Variants in SLC24A4 observed in about 807,000 individuals in gnomAD.
SLC24A4 encodes the protein sodium/potassium/calcium exchanger 4.
Under a neutral mutation model 79.0 loss-of-function variants are expected in SLC24A4, and 53 were observed. The ratio of observed to expected loss-of-function variants is 0.67; its 90% CI spans 0.54 to 0.84. The LOEUF is 0.84. Ranked by LOEUF, SLC24A4 falls within the 40% of genes least tolerant of loss-of-function variation. SLC24A4 has a pLI of 0.00. For missense variants in SLC24A4, 731 were observed against 822.0 expected, an observed-to-expected ratio of 0.89 and a Z score of 1.35; for synonymous variants, 323 against 323.8, an observed-to-expected ratio of 1.00 and a Z score of 0.03.
intron 2 of SLC24A4, among the ~76,000 whole-genome samples, chr14:92,365,518 G>GA (rs1244280634): frequency 6.6e-6 from 1 of 152,212 alleles, no homozygotes; most frequent in African/African-American, 2.4e-5. Context: ...TTACAAGGAA[G>GA]ACCAGGAGGA....
intron 2 of SLC24A4, among the ~76,000 whole-genome samples, chr14:92,384,477 G>A (rs1889033813): frequency 6.6e-6 from 1 of 151,748 alleles, no homozygotes; most frequent in Non-Finnish European, 1.5e-5. Context: ...CTGGGCCTGT[G>A]CTTGAGATGG....
chr14:92,475,866 C>T (rs4411449), intron 12 of SLC24A4, among the ~76,000 whole-genome samples: 138,404 of 152,214 alleles, frequency 0.91, 63,901 homozygotes, highest in Non-Finnish European at 0.99. Context: ...ATGCTGGTTG[C>T]CCTTCACTAA....
chr14:92,391,617 C>A (rs1566734839), intron 2 of SLC24A4, among the ~76,000 whole-genome samples: 2 of 152,234 alleles, frequency 1.3e-5, no homozygotes, highest in South Asian at 4.1e-4. Context: ...TGCAGTGTGA[C>A]CTTGCCACTC....
At chr14:92,432,686 C>T (rs1031376062) in intron 2 of SLC24A4, among the ~76,000 whole-genome samples, 5 of 152,234 alleles carry the variant, frequency 3.3e-5, no homozygotes, top group South Asian at 4.2e-4. Flanking sequence ...ATCTATTTTT[C>T]GTTAAATGCT....
At chr14:92,453,790 C>T in intron 10 of SLC24A4, 110 bp from the exon 11 acceptor site, 1 of 1,272,648 alleles carries the variant, frequency 7.9e-7, no homozygotes, top group Non-Finnish European at 1.1e-6. Flanking sequence ...CTGCCAGCTG[C>T]CAGGACCACA....
At position 92,486,736 on chromosome 14, in the gene SLC24A4, C is replaced by T; in HGVS notation, c.1493C>T (p.Thr498Ile). The T allele has an allele frequency of 6.2e-7, 1 of 1,614,092 alleles. No individual in the cohort carries two copies. Among genetic ancestry groups the T allele is most frequent in the Non-Finnish European group, 8.5e-7 (1 of 1,180,010 alleles). Reference sequence around the variant, plus strand: ...GGCATTACTTTCCTGGCAGCAGGGACAAGTGTTCCAGACTGCATGGCCAGC... The same window carrying T: ...GGCATTACTTTCCTGGCAGCAGGGATAAGTGTTCCAGACTGCATGGCCAGC... The part of the protein sequence containing the change: ...IMGITFLAAG[T>I]SVPDCMASLI... The change falls in exon 14 of 17, where the codon ACA becomes ATA. Residue 498 changes from threonine to isoleucine, a missense_variant. Coordinates refer to ENST00000532405, the MANE Select transcript of SLC24A4 (RefSeq NM_153646.4).
At chr14:92,324,669 C>T (rs76581013) in intron 1 of SLC24A4, among the ~76,000 whole-genome samples, 10 of 152,282 alleles carry the variant, frequency 6.6e-5, no homozygotes, top group African/African-American at 2.4e-4. Flanking sequence ...CATGTGTAAC[C>T]TTCAGGAGGC....
intron 12 of SLC24A4, among the ~76,000 whole-genome samples, chr14:92,464,460 A>G (rs1174068658): frequency 6.6e-6 from 1 of 152,122 alleles, no homozygotes; most frequent in East Asian, 1.9e-4. Context: ...CCAGCAACGA[A>G]AGCCCACCCA....
At chr14:92,363,778 T>C (rs573489352) in intron 2 of SLC24A4, among the ~76,000 whole-genome samples, 65 of 151,790 alleles carry the variant, frequency 4.3e-4, no homozygotes, top group African/African-American at 1.6e-3. Context: ...TGCAGTGAGC[T>C]GAGATCGCGC....
At chr14:92,408,380 A>G (rs1890523895) in intron 2 of SLC24A4, 1 of 985,342 alleles carries the variant, frequency 1.0e-6, no homozygotes, top group African/African-American at 1.7e-5. Context: ...ATAGCAAGCA[A>G]TAAGTGCCTG....
chr14:92,336,353 C>T (rs1050381007), intron 2 of SLC24A4, among the ~76,000 whole-genome samples: 1 of 152,198 alleles, frequency 6.6e-6, no homozygotes, highest in South Asian at 2.1e-4. Context: ...ATAAAAGTGC[C>T]GGAATAATTT....
intron 2 of SLC24A4, among the ~76,000 whole-genome samples, chr14:92,345,284 T>C (rs1004134490): frequency 1.3e-5 from 2 of 152,234 alleles, no homozygotes; most frequent in African/African-American, 4.8e-5. Context: ...GCTTTGCTGC[T>C]TACTGGCAGC....
intron 5 of SLC24A4, 105 bp downstream of exon 5, chr14:92,442,278 A>C (rs1014407576): frequency 2.4e-6 from 2 of 846,506 alleles, no homozygotes; most frequent in African/African-American, 1.7e-5. Context: ...TCTCATCTGT[A>C]AAATGGGAGA....
intron 14 of SLC24A4, among the ~76,000 whole-genome samples, chr14:92,488,756 G>A (rs1459545126): frequency 6.6e-6 from 1 of 152,242 alleles, no homozygotes; most frequent in Non-Finnish European, 1.5e-5. Flanking sequence ...TGAACTTGGT[G>A]GGATTCAGTC....
intron 2 of SLC24A4, among the ~76,000 whole-genome samples, chr14:92,419,264 A>C (rs898006276): frequency 6.6e-6 from 1 of 152,292 alleles, no homozygotes; most frequent in Middle Eastern, 3.4e-3. Flanking sequence ...GCCAGAGGTG[A>C]AGGGAGGTGT....
intron 2 of SLC24A4, among the ~76,000 whole-genome samples, chr14:92,344,307 C>T (rs535346070): frequency 4.6e-5 from 7 of 152,286 alleles, no homozygotes; most frequent in South Asian, 4.1e-4. Flanking sequence ...CAAGAGAAGC[C>T]GTCCCTTCAT....
At chr14:92,459,692 C>T (rs1893685818) in intron 12 of SLC24A4, among the ~76,000 whole-genome samples, 1 of 152,160 alleles carries the variant, frequency 6.6e-6, no homozygotes, top group African/African-American at 2.4e-5. Flanking sequence ...TTTCTTCTTC[C>T]TCCCTTTCCC....
chr14:92,493,235 C>T (rs1437494681), intron 16 of SLC24A4, among the ~76,000 whole-genome samples: 4 of 152,110 alleles, frequency 2.6e-5, no homozygotes, highest in African/African-American at 7.2e-5. Flanking sequence ...CCCATGAGGG[C>T]GGCTGCTGTG....
chr14:92,428,497 T>C (rs1365079011), intron 2 of SLC24A4, among the ~76,000 whole-genome samples: 1 of 152,066 alleles, frequency 6.6e-6, no homozygotes, highest in African/African-American at 2.4e-5. Context: ...TCACAACATA[T>C]GAGGAAGGAG....
Sources: gnomAD v4.1 joint callset for allele counts (sites outside exome capture counted in the v4.1 genomes callset) on GRCh38, gnomAD v4.1.1 for gene constraint, MANE v1.5 for transcripts, NCBI Gene and HGNC (gene_info 2026-07-23, HGNC 2026-07-21) for gene names.